The following ARHGAP26 variants were observed in gnomAD, a reference collection of about 807,000 sequenced individuals.
ARHGAP26 encodes Rho GTPase activating protein 26, also known as rho GTPase-activating protein 26.
ARHGAP26 carries 38 observed loss-of-function variants against 104.8 expected under a neutral mutation model. The ratio of observed to expected loss-of-function variants is 0.36; its 90% CI spans 0.28 to 0.48. The LOEUF is 0.48. Among genes scored for constraint, ARHGAP26 ranks in the 20% least tolerant of loss-of-function variants. The probability of loss-of-function intolerance (pLI) is 0.99; values close to 1 mark genes in which losing one functional copy is unlikely to be tolerated. For missense variants in ARHGAP26, 704 were observed against 947.9 expected, an observed-to-expected ratio of 0.74 and a Z score of 3.38; for synonymous variants, 341 against 340.0, an observed-to-expected ratio of 1.00 and a Z score of -0.03.
chr5:142,864,407 A>G (rs897557299), intron 1 of ARHGAP26, among the ~76,000 whole-genome samples: 1 of 152,212 alleles, frequency 6.6e-6, no homozygotes, highest in Admixed American at 6.5e-5. Flanking sequence ...CGTTTAGTTA[A>G]AAATTGGTTT....
chr5:142,851,096 ATTTTT>A (rs570143559), intron 1 of ARHGAP26, among the ~76,000 whole-genome samples: 1 of 143,442 alleles, frequency 7.0e-6, no homozygotes. Flanking sequence ...TGGAAAATAC[ATTTTT>A]TTTTTTTTTT....
At chr5:143,216,818 A>G (rs1810411787) in intron 22 of ARHGAP26, 1 of 153,306 alleles carries the variant, frequency 6.5e-6, no homozygotes, top group African/African-American at 2.4e-5. Flanking sequence ...GCAGTAGAAA[A>G]TGGACCTGAC....
chr5:143,122,778 T>A (rs1724898211), intron 18 of ARHGAP26, among the ~76,000 whole-genome samples: 1 of 152,198 alleles, frequency 6.6e-6, no homozygotes, highest in Non-Finnish European at 1.5e-5. Flanking sequence ...ATCTCTCCCC[T>A]CATTTATTGG....
rs181322093 is a variant in ARHGAP26, at chr5:143,084,691, G to A, written c.1538+26944G>A. Among the ~76,000 whole-genome samples, 15 of 152,286 alleles carry A rather than the reference G, an allele frequency of 9.8e-5. No homozygotes were observed. The East Asian group carries it at 2.7e-3, about 27-fold the overall frequency. On this transcript the variant is annotated intron_variant, in intron 17 of 22. Transcript: ENST00000645722. ...AGGCTCGCTGCTTTGGGAATAACCA[G>A]CTGCTTGTAGGGCACACAGTCACAC...
chr5:142,992,785 A>C (rs781537269), intron 11 of ARHGAP26, among the ~76,000 whole-genome samples: 9 of 152,170 alleles, frequency 5.9e-5, no homozygotes, highest in Non-Finnish European at 1.3e-4. Flanking sequence ...CAGAGACCAT[A>C]TGAATTGTCA....
intron 17 of ARHGAP26, among the ~76,000 whole-genome samples, chr5:143,094,375 G>GT (rs1171890458): frequency 6.6e-6 from 1 of 152,146 alleles, no homozygotes; most frequent in East Asian, 1.9e-4. Flanking sequence ...GAGAGCTCAG[G>GT]TTATTCCTCG....
chr5:142,832,390 C>G (rs1327631495), intron 1 of ARHGAP26, among the ~76,000 whole-genome samples: 1 of 152,248 alleles, frequency 6.6e-6, no homozygotes, highest in Admixed American at 6.5e-5. Flanking sequence ...CTCTCTCTCT[C>G]TCTGCACACA....
At chr5:142,989,472 T>C (rs1203132186) in intron 11 of ARHGAP26, among the ~76,000 whole-genome samples, 1 of 152,216 alleles carries the variant, frequency 6.6e-6, no homozygotes, top group Non-Finnish European at 1.5e-5. Context: ...TTAGCCCATT[T>C]ACATTTAAGG....
chr5:143,178,873 TGA>T (rs1803887105), intron 20 of ARHGAP26, among the ~76,000 whole-genome samples: 1 of 151,370 alleles, frequency 6.6e-6, no homozygotes. Flanking sequence ...CTTAACTATA[TGA>T]TTTTTTTTTT....
rs1294914277 is a variant in ARHGAP26 at position 143,228,754 on chromosome 5, TAGA to T, written c.*6310_*6312del. The T allele has an allele frequency of 4.9e-6, 1 of 202,032 alleles. No homozygotes were observed. The highest frequency in any genetic ancestry group is 1.0e-5 in the Non-Finnish European group (1 of 98,002). The allele number at this position is 202,032 out of a possible 1,614,324, so 12.5% of individuals were successfully genotyped here. ...TCAGTATTGACTATTGACTCGTGCATAGAATCCAATGCTGTAATTAGAAAGTAA... is the reference window on the plus strand; with the variant it reads ...TCAGTATTGACTATTGACTCGTGCATATCCAATGCTGTAATTAGAAAGTAA... On this transcript the variant is annotated 3_prime_UTR_variant, in exon 23 of 23. Transcript: ENST00000645722.
intron 20 of ARHGAP26, chr5:143,203,760 A>T (rs918081546): frequency 6.6e-5 from 10 of 152,238 alleles, no homozygotes; most frequent in African/African-American, 2.2e-4. Flanking sequence ...GGATGACTTC[A>T]TGTCCTTTGC....
intron 11 of ARHGAP26, among the ~76,000 whole-genome samples, chr5:143,007,167 C>G (rs1442354965): frequency 6.8e-6 from 1 of 147,126 alleles, no homozygotes; most frequent in Admixed American, 6.9e-5. Flanking sequence ...TGCACTCCAG[C>G]CTGGTTGACA....
intron 20 of ARHGAP26, among the ~76,000 whole-genome samples, chr5:143,196,389 A>T (rs895031527): frequency 6.6e-6 from 1 of 152,176 alleles, no homozygotes; most frequent in Non-Finnish European, 1.5e-5. Context: ...CAAACACGGA[A>T]TTACTGAATA....
chr5:143,215,937 G>T (rs1309721708), intron 22 of ARHGAP26, among the ~76,000 whole-genome samples: 1 of 152,128 alleles, frequency 6.6e-6, no homozygotes, highest in Non-Finnish European at 1.5e-5. Context: ...TTTTTGTGAG[G>T]GCGTAGGTTT....
intron 1 of ARHGAP26, among the ~76,000 whole-genome samples, chr5:142,872,614 A>G (rs1755477067): frequency 6.6e-6 from 1 of 152,262 alleles, no homozygotes; most frequent in South Asian, 2.1e-4. Context: ...ACTGGCTTTC[A>G]TTACTATCTT....
intron 18 of ARHGAP26, among the ~76,000 whole-genome samples, chr5:143,132,833 T>C (rs1462446966): frequency 1.3e-5 from 2 of 150,360 alleles, no homozygotes; most frequent in African/African-American, 2.5e-5. Context: ...ATCAGTATTA[T>C]TGTATCCATT....
chr5:143,164,909 A>G (rs914715322), intron 20 of ARHGAP26: 2 of 152,236 alleles, frequency 1.3e-5, no homozygotes, highest in Non-Finnish European at 2.9e-5. Context: ...GAATCTGAAT[A>G]TATAATCAGT....
intron 18 of ARHGAP26, among the ~76,000 whole-genome samples, chr5:143,127,188 A>G (rs897758277): frequency 3.3e-5 from 5 of 152,236 alleles, no homozygotes; most frequent in Admixed American, 1.3e-4. Context: ...ATGAAATTTC[A>G]GGCTACTTAG....
intron 18 of ARHGAP26, among the ~76,000 whole-genome samples, chr5:143,125,900 C>G (rs1796671382): frequency 6.6e-6 from 1 of 152,156 alleles, no homozygotes. Flanking sequence ...TAAGAAGCAG[C>G]TGATTAGGAG....
Sources: gnomAD v4.1 joint callset for allele counts (sites outside exome capture counted in the v4.1 genomes callset) on GRCh38, gnomAD v4.1.1 for gene constraint, MANE v1.5 for transcripts, NCBI Gene and HGNC (gene_info 2026-07-23, HGNC 2026-07-21) for gene names.